AFF4: variants seen among roughly 807,000 people sequenced by gnomAD.
AFF4 encodes the protein AF4/FMR2 family member 4.
A neutral mutation model predicts 124.8 loss-of-function variants in AFF4; 13 were observed. The observed-to-expected ratio is 0.10, with a 90% CI of 0.07 to 0.17. AFF4 has a LOEUF of 0.17. Ranked by LOEUF, AFF4 falls within the 10% of genes least tolerant of loss-of-function variation. The pLI is 1.00. For synonymous variants in AFF4, 477 were observed against 496.1 expected (o/e 0.96, Z 0.51); for missense variants, 1,092 against 1,403.8 (o/e 0.78, Z 3.55).
rs938529467 is a variant in AFF4 at position 132,877,208 on chromosome 5, C to G, written c.*3851G>C. The G allele has an allele frequency of 2.9e-5, 6 of 206,002 alleles. No individual in the cohort carries two copies. The highest frequency in any genetic ancestry group is 1.4e-4 in the African/African-American group (6 of 43,732). 12.8% of individuals were successfully genotyped at this position (206,002 alleles called of 1,614,324 possible). ...TGTTCCTGGGACCCAGACACAAACTCCTATAAATCAAAATATATAATGAGG... is the reference window on the plus strand; with the variant it reads ...TGTTCCTGGGACCCAGACACAAACTGCTATAAATCAAAATATATAATGAGG... On this transcript the variant is annotated 3_prime_UTR_variant, in exon 21 of 21. Coordinates refer to ENST00000265343, the MANE Select transcript of AFF4 (RefSeq NM_014423.4).
chr5:132,886,284 C>T (rs370023493), intron 18 of AFF4, 26 bp downstream of exon 18: 102 of 1,602,870 alleles, frequency 6.4e-5, no homozygotes, highest in Non-Finnish European at 8.3e-5. Flanking sequence ...TCCTAGGAAA[C>T]GGACCTTGTG....
At chr5:132,914,787 G>A (rs1760870386) in intron 5 of AFF4, among the ~76,000 whole-genome samples, 1 of 152,126 alleles carries the variant, frequency 6.6e-6, no homozygotes, top group Non-Finnish European at 1.5e-5. Context: ...TAGGGAATAA[G>A]AGAAGTGCTA....
At position 132,877,423 on chromosome 5, in the gene AFF4, G is replaced by A. The variant is rs1156509271; in HGVS notation, c.*3636C>T. 1 of 216,396 alleles carries A rather than the reference G, an allele frequency of 4.6e-6. No individual in the cohort carries two copies. The highest frequency in any genetic ancestry group is 5.8e-5 in the Admixed American group (1 of 17,204). The allele number at this position is 216,396 out of a possible 1,614,324, so 13.4% of individuals were successfully genotyped here. ...TAATATTCAAGGTGTCAACAAGAAAGTGTCTTAGATCAATTTAATAAATAA... is the reference window on the plus strand; with the variant it reads ...TAATATTCAAGGTGTCAACAAGAAAATGTCTTAGATCAATTTAATAAATAA... On this transcript the variant is annotated 3_prime_UTR_variant, in exon 21 of 21. Transcript: ENST00000265343.
Position 132,963,614 on chromosome 5 carries a change from GCAGC to G in AFF4, c.-364_-361del. On this transcript the variant is annotated 5_prime_UTR_variant, in exon 1 of 21. Coordinates refer to ENST00000265343, the MANE Select transcript of AFF4 (RefSeq NM_014423.4). ...CGGCGGCGACGGCAGCTGGACTCCT[GCAGC>G]CAGGGCTGTGACTGACGCAGCGGCC... The G allele has an allele frequency of 2.5e-6, 1 of 397,238 alleles. No homozygotes were observed. The highest frequency in any genetic ancestry group is 3.6e-5 in the East Asian group (1 of 28,012). The allele number at this position is 397,238 out of a possible 1,614,324, so 24.6% of individuals were successfully genotyped here. A position where few individuals can be genotyped will look rare whatever the true frequency, so the allele number is the denominator to read the frequency against.
Position 132,881,012 on chromosome 5 carries a change from G to A in AFF4, c.*47C>T. On this transcript the variant is annotated 3_prime_UTR_variant, in exon 21 of 21. Transcript: ENST00000265343. ...TTATGGCAGTTTTCCTTCGTGATGT[G>A]ACACAGTGTTGTGGAGAAAATCAGA... The A allele has an allele frequency of 6.3e-7, 1 of 1,585,738 alleles. No homozygotes were observed. Among genetic ancestry groups the A allele is most frequent in the Non-Finnish European group, 8.6e-7 (1 of 1,167,964 alleles).
chr5:132,947,744 T>C (rs1254395251), intron 1 of AFF4, among the ~76,000 whole-genome samples: 3 of 152,190 alleles, frequency 2.0e-5, no homozygotes, highest in South Asian at 2.1e-4. Flanking sequence ...AGAATTTCTC[T>C]ACCCATGAGA....
intron 1 of AFF4, among the ~76,000 whole-genome samples, chr5:132,955,899 C>T (rs941207759): frequency 1.4e-5 from 2 of 143,426 alleles, no homozygotes; most frequent in African/African-American, 2.6e-5. Flanking sequence ...ATTATATATG[C>T]TACATATAAT....
At chr5:132,915,139 AG>A in intron 5 of AFF4, among the ~76,000 whole-genome samples, 1 of 152,132 alleles carries the variant, frequency 6.6e-6, no homozygotes, top group Non-Finnish European at 1.5e-5. Context: ...GAGATGGTCT[AG>A]ACCATCCTGG....
chr5:132,949,550 G>A lies in AFF4; in HGVS notation c.-4-12357C>T, dbSNP rs1298016464. Among the ~76,000 whole-genome samples, 5 of 151,894 alleles carry A rather than the reference G, an allele frequency of 3.3e-5. No individual in the cohort carries two copies. The East Asian group carries it at 9.7e-4, about 29-fold the overall frequency. On this transcript the variant is annotated intron_variant, in intron 1 of 20. Transcript: ENST00000265343. ...AATTAGGCCAGGCACGGTGCCTCAAGCCTGTAATCCCAGCACTTTGGGAGG... is the reference window on the plus strand; with the variant it reads ...AATTAGGCCAGGCACGGTGCCTCAAACCTGTAATCCCAGCACTTTGGGAGG...
chr5:132,955,740 T>C (rs1262921706), intron 1 of AFF4, among the ~76,000 whole-genome samples: 3 of 132,686 alleles, frequency 2.3e-5, no homozygotes, highest in Non-Finnish European at 3.1e-5. Context: ...ATCATGCCAC[T>C]GCACTCCAGC....
At chr5:132,900,166 T>C (rs1760512544) in intron 7 of AFF4, among the ~76,000 whole-genome samples, 2 of 152,236 alleles carry the variant, frequency 1.3e-5, no homozygotes, top group Non-Finnish European at 1.5e-5. Context: ...AGTTCATAAA[T>C]GCCTTGCTAT....
At chr5:132,961,489 T>C (rs1237784997) in intron 1 of AFF4, among the ~76,000 whole-genome samples, 1 of 152,046 alleles carries the variant, frequency 6.6e-6, no homozygotes, top group Non-Finnish European at 1.5e-5. Flanking sequence ...AGTGCTAAAG[T>C]GCTAGGATTA....
At chr5:132,889,357 T>A (rs1760199271) in intron 13 of AFF4, among the ~76,000 whole-genome samples, 184 bp from the exon 14 acceptor site, 2 of 152,186 alleles carry the variant, frequency 1.3e-5, no homozygotes, top group Non-Finnish European at 2.9e-5. Flanking sequence ...GGGTCCATTT[T>A]ATATAACTGA....
Position 132,934,325 on chromosome 5 carries a change from T to C in AFF4, c.740A>G (p.Asn247Ser), listed in dbSNP as rs189234841. Residue 247 changes from asparagine to serine, a missense_variant, in exon 3 of 21, where the codon AAT becomes AGT. By Grantham distance (46) the Asn-to-Ser change is conservative. Transcript: ENST00000265343. ...SFPPSLMSKS[N>S]SMLQKPTAYV... ...GGCAGTGGGTTTCTGTAACATTGAATTGGACTTTGACATCAATGAGGGTGG... is the reference window on the plus strand; with the variant it reads ...GGCAGTGGGTTTCTGTAACATTGAACTGGACTTTGACATCAATGAGGGTGG... The C allele has an allele frequency of 1.3e-5, 21 of 1,614,132 alleles. No individual in the cohort carries two copies. In the African/African-American group the frequency reaches 2.0e-4, roughly 15 times the overall value.
chr5:132,925,660 GA>G (rs1249302845), intron 5 of AFF4, among the ~76,000 whole-genome samples: 3 of 152,120 alleles, frequency 2.0e-5, no homozygotes, highest in Admixed American at 1.3e-4. Context: ...AAACCAAATG[GA>G]TAACAAATAT....
intron 1 of AFF4, chr5:132,937,873 A>G (rs1437684312): frequency 6.6e-6 from 1 of 152,252 alleles, no homozygotes; most frequent in Non-Finnish European, 1.5e-5. Context: ...CTTGTATTGA[A>G]AAAGGAAGTC....
At chr5:132,956,792 C>T (rs1761969950) in intron 1 of AFF4, among the ~76,000 whole-genome samples, 1 of 151,610 alleles carries the variant, frequency 6.6e-6, no homozygotes, top group Non-Finnish European at 1.5e-5. Flanking sequence ...GAGGCTGAGG[C>T]AGGCAGATCA....
chr5:132,938,941 CAA>C (rs762784790), intron 1 of AFF4, among the ~76,000 whole-genome samples: 6,061 of 36,846 alleles, frequency 0.16, 2 homozygotes, highest in South Asian at 0.28. Context: ...AGACTCATCT[CAA>C]AAAAAAAAAA....
rs181415375 is a variant in AFF4 at position 132,937,785 on chromosome 5, A to T, written c.-4-592T>A. 3.9e-4 allele frequency: 60 copies of T among 152,354 alleles called. 1 individual carries two copies. The highest frequency in any genetic ancestry group is 2.6e-3 in the Admixed American group (40 of 15,290). The allele number at this position is 152,354 out of a possible 1,614,324, so 9.4% of individuals were successfully genotyped here. ...CTCTAAATATATTAATATTTCAATT[A>T]ACACCTCAATAAATGGCAAAACCCA... On this transcript the variant is annotated intron_variant, in intron 1 of 20. Transcript: ENST00000265343.
Sources: gnomAD v4.1 joint callset for allele counts (sites outside exome capture counted in the v4.1 genomes callset) on GRCh38, gnomAD v4.1.1 for gene constraint, MANE v1.5 for transcripts, NCBI Gene and HGNC (gene_info 2026-07-23, HGNC 2026-07-21) for gene names.